The following CCND1 variants were observed in gnomAD, a reference collection of about 807,000 sequenced individuals.
CCND1 encodes the protein G1/S-specific cyclin-D1.
CCND1 carries 9 observed loss-of-function variants against 26.1 expected under a neutral mutation model. The ratio of observed to expected loss-of-function variants is 0.35; its 90% CI spans 0.21 to 0.60. The LOEUF (loss-of-function observed/expected upper bound fraction) is 0.60, where lower values mean the gene tolerates loss of function less well. Among genes scored for constraint, CCND1 ranks in the 20% least tolerant of loss-of-function variants. The pLI is 0.79. For missense variants in CCND1, 335 were observed against 392.9 expected (o/e 0.85, Z 1.25); for synonymous variants, 194 against 166.1 (o/e 1.17, Z -1.29).
chr11:69,644,176 A>G (rs532486022), intron 3 of CCND1, 185 bp downstream of exon 3: 2 of 642,124 alleles, frequency 3.1e-6, no homozygotes, highest in Admixed American at 2.5e-5. Flanking sequence ...CGCTGGATGG[A>G]GGGAGATTTG....
chr11:69,642,562 T>A (rs1022686431), intron 1 of CCND1, among the ~76,000 whole-genome samples: 6 of 152,288 alleles, frequency 3.9e-5, no homozygotes, highest in African/African-American at 7.2e-5. Context: ...GTTATTTTTT[T>A]AATATTTTTA....
Position 69,648,012 on chromosome 11 carries a change from A to T in CCND1, c.593A>T (p.Asn198Ile), listed in dbSNP as rs759570740. ...GCCTCAGATGTGAAGTTCATTTCCA[A>T]TCCGCCCTCCATGGTGGCAGCGGGG... ...LCATDVKFIS[N>I]PPSMVAAGSV... The change falls in exon 4 of 5, where the codon AAT becomes ATT. Residue 198 changes from asparagine (N) to isoleucine (I), a missense_variant. Coordinates refer to ENST00000227507, the MANE Select transcript of CCND1 (RefSeq NM_053056.3). 1 of 1,613,854 alleles carries T rather than the reference A, an allele frequency of 6.2e-7. No individual in the cohort carries two copies. The highest frequency in any genetic ancestry group is 2.2e-5 in the East Asian group (1 of 44,874).
intron 1 of CCND1, among the ~76,000 whole-genome samples, chr11:69,642,819 C>G (rs1855725696): frequency 6.7e-6 from 1 of 148,746 alleles, no homozygotes; most frequent in Non-Finnish European, 1.5e-5. Flanking sequence ...GTGCCAGCCT[C>G]GCGGGGACTT....
intron 3 of CCND1, among the ~76,000 whole-genome samples, chr11:69,646,388 G>A (rs1855780779): frequency 6.6e-6 from 1 of 152,042 alleles, no homozygotes; most frequent in African/African-American, 2.4e-5. Context: ...CCGGCCCCTC[G>A]CCGGCGGCCC....
At chr11:69,644,249 C>A in intron 3 of CCND1, 1 of 525,684 alleles carries the variant, frequency 1.9e-6, no homozygotes, top group East Asian at 3.2e-5. Flanking sequence ...CTGCCTGTGT[C>A]CCGTTACTCT....
intron 1 of CCND1, among the ~76,000 whole-genome samples, chr11:69,642,542 T>A (rs892872260): frequency 2.0e-4 from 31 of 152,280 alleles, no homozygotes; most frequent in African/African-American, 5.5e-4. Flanking sequence ...AGGGTTTTTT[T>A]ATGCACTTAG....
rs956981787 is a variant in CCND1, at chr11:69,654,125, G to A, written c.*2843G>A. 14 of 485,632 alleles carry A rather than the reference G, an allele frequency of 2.9e-5. No homozygotes were observed. The highest frequency in any genetic ancestry group is 9.5e-5 in the East Asian group (2 of 21,020). The allele number at this position is 485,632 out of a possible 1,614,324, so 30.1% of individuals were successfully genotyped here. A position where few individuals can be genotyped will look rare whatever the true frequency, so the allele number is the denominator to read the frequency against. On this transcript the variant is annotated 3_prime_UTR_variant, in exon 5 of 5. Transcript: ENST00000227507. The surrounding 1 kb of genome is among the most constrained non-coding windows in gnomAD (Gnocchi z 6.3). ...GCCATCTCGGGCACAGGCCCACCCC[G>A]CCCCACCCCTCCAGAACACGGCTCA... is the stretch of plus-strand genomic sequence containing the variant.
rs143479406 is a variant in CCND1 at position 69,643,953 on chromosome 11, G to A, written c.536G>A (p.Arg179His). The A allele has an allele frequency of 1.2e-6, 2 of 1,613,448 alleles. No individual in the cohort carries two copies. The highest frequency in any genetic ancestry group is 1.7e-5 in the Admixed American group (1 of 60,024). Residue 179 changes from arginine (R) to histidine (H), a missense_variant, in exon 3 of 5, where the codon CGC (arginine) becomes CAC (histidine). Arg to His is a conservative substitution (Grantham distance 29, BLOSUM62 0). Coordinates refer to ENST00000227507, the MANE Select transcript of CCND1 (RefSeq NM_053056.3). ...PEAEENKQII[R>H]KHAQTFVALC... ...GCGGAGGAGAACAAACAGATCATCC[G>A]CAAACACGCGCAGACCTTCGTTGCC...
At position 69,654,131 on chromosome 11, in the gene CCND1, C is replaced by T. The variant is rs995031239; in HGVS notation, c.*2849C>T. 4.5e-6 allele frequency: 3 copies of T among 672,752 alleles called. No individual in the cohort carries two copies. The highest frequency in any genetic ancestry group is 3.5e-5 in the African/African-American group (2 of 56,792). The allele number at this position is 672,752 out of a possible 1,614,324, so 41.7% of individuals were successfully genotyped here. A position where few individuals can be genotyped will look rare whatever the true frequency, so the allele number is the denominator to read the frequency against. On this transcript the variant is annotated 3_prime_UTR_variant, in exon 5 of 5. Coordinates refer to ENST00000227507, the MANE Select transcript of CCND1 (RefSeq NM_053056.3). The surrounding 1 kb of genome is among the most constrained non-coding windows in gnomAD (Gnocchi z 6.3). ...TCGGGCACAGGCCCACCCCGCCCCA[C>T]CCCTCCAGAACACGGCTCACGCTTA...
rs1222581441 is a variant in CCND1 at position 69,653,302 on chromosome 11, C to G, written c.*2020C>G. On this transcript the variant is annotated 3_prime_UTR_variant, in exon 5 of 5. Coordinates refer to ENST00000227507, the MANE Select transcript of CCND1 (RefSeq NM_053056.3). The stretch of plus-strand genomic sequence containing the variant: ...ATATTCACATCGCTTCTGTGTATCT[C>G]TTTCACATTGTTTGCTGCTATTGGA... 2 of 702,840 alleles carry G rather than the reference C, an allele frequency of 2.8e-6. No homozygotes were observed. The highest frequency in any genetic ancestry group is 5.4e-5 in the East Asian group (2 of 37,264). 43.5% of individuals were successfully genotyped at this position (702,840 alleles called of 1,614,324 possible).
intron 2 of CCND1, 144 bp from the exon 3 acceptor site, chr11:69,643,688 T>TC: frequency 4.3e-6 from 3 of 699,082 alleles, no homozygotes; most frequent in Non-Finnish European, 4.7e-6. Flanking sequence ...AGCCCTCCCC[T>TC]CCAACATCCA....
rs1021419331 is a variant in CCND1 at position 69,653,455 on chromosome 11, T to C, written c.*2173T>C. ...TTTTATGTGATCAATTTTGACTTAA[T>C]GTGATTACTGCTCTATTCCAAAAAG... On this transcript the variant is annotated 3_prime_UTR_variant, in exon 5 of 5. Coordinates refer to ENST00000227507, the MANE Select transcript of CCND1 (RefSeq NM_053056.3). The C allele has an allele frequency of 1.7e-6, 1 of 605,832 alleles. No individual in the cohort carries two copies. The highest frequency in any genetic ancestry group is 2.0e-5 in the South Asian group (1 of 49,382). 37.5% of individuals were successfully genotyped at this position (605,832 alleles called of 1,614,324 possible). A position where few individuals can be genotyped will look rare whatever the true frequency, so the allele number is the denominator to read the frequency against.
rs2120088699 is a variant in CCND1, at chr11:69,643,091, C to G, written c.259C>G (p.Arg87Gly). ...CCCGCTGGCCATGAACTACCTGGAC[C>G]GCTTCCTGTCGCTGGAGCCCGTGAA... Reference protein sequence around the residue: ...VFPLAMNYLDRFLSLEPVKKS... With the variant: ...VFPLAMNYLDGFLSLEPVKKS... Residue 87 changes from arginine (R) to glycine (G), a missense_variant, in exon 2 of 5, where the codon CGC becomes GGC. Coordinates refer to ENST00000227507, the MANE Select transcript of CCND1 (RefSeq NM_053056.3). 1 of 1,611,248 alleles carries G rather than the reference C, an allele frequency of 6.2e-7. No homozygotes were observed. The highest frequency in any genetic ancestry group is 8.5e-7 in the Non-Finnish European group (1 of 1,179,202).
chr11:69,642,301 G>A lies in CCND1; in HGVS notation c.199-730G>A, dbSNP rs78968063. On this transcript the variant is annotated intron_variant, in intron 1 of 4. Coordinates refer to ENST00000227507, the MANE Select transcript of CCND1 (RefSeq NM_053056.3). The stretch of plus-strand genomic sequence containing the variant: ...GGCTTGGAGGACCTTCTCCGAGCGA[G>A]CCGGGGGCCTGGGAGCACATTTTCA... 1.8e-3 allele frequency among the ~76,000 whole-genome samples: 274 copies of A among 152,336 alleles called. 6 individuals are homozygous for A. In the East Asian group the frequency reaches 0.049, roughly 27 times the overall value.
At chr11:69,649,980 G>A (rs561203682) in intron 4 of CCND1, among the ~76,000 whole-genome samples, 1 of 152,342 alleles carries the variant, frequency 6.6e-6, no homozygotes, top group South Asian at 2.1e-4. Context: ...TCTGAGGGGC[G>A]GGAGAGGAAA....
intron 3 of CCND1, among the ~76,000 whole-genome samples, chr11:69,646,496 G>A (rs1855782813): frequency 6.6e-6 from 1 of 152,120 alleles, no homozygotes; most frequent in Non-Finnish European, 1.5e-5. Flanking sequence ...CTCCCTTTGT[G>A]CCTGGGTCGG....
chr11:69,652,253 G>C lies in CCND1; in HGVS notation c.*971G>C, dbSNP rs1481984872. 3.4e-5 allele frequency: 8 copies of C among 233,586 alleles called. No homozygotes were observed. Among genetic ancestry groups the C allele is most frequent in the Non-Finnish European group, 6.8e-5 (8 of 118,074 alleles). The allele number at this position is 233,586 out of a possible 1,614,324, so 14.5% of individuals were successfully genotyped here. On this transcript the variant is annotated 3_prime_UTR_variant, in exon 5 of 5. Coordinates refer to ENST00000227507, the MANE Select transcript of CCND1 (RefSeq NM_053056.3). Reference sequence around the variant, plus strand: ...GTCCAGGTTCAACCCACAGCTACTTGGTTTGTGTTCTTCTTCATATTCTAA... The same window carrying C: ...GTCCAGGTTCAACCCACAGCTACTTCGTTTGTGTTCTTCTTCATATTCTAA...
intron 3 of CCND1, among the ~76,000 whole-genome samples, chr11:69,645,117 C>T (rs1590914121): frequency 6.6e-6 from 1 of 152,258 alleles, no homozygotes; most frequent in East Asian, 1.9e-4. Context: ...CGTTTCCAAG[C>T]GAGTCCCCAA....
chr11:69,654,272 C>A lies in CCND1; in HGVS notation c.*2990C>A. On this transcript the variant is annotated 3_prime_UTR_variant, in exon 5 of 5. Transcript: ENST00000227507. The surrounding 1 kb of genome is among the most constrained non-coding windows in gnomAD (Gnocchi z 6.3). The stretch of plus-strand genomic sequence containing the variant: ...CTGGATGTTGTGTGTATCGAGAGGC[C>A]AAAGGCTGGTGGCAAGTGCACGGGG... The A allele has an allele frequency of 1.4e-6, 1 of 702,566 alleles. No homozygotes were observed. Among genetic ancestry groups the A allele is most frequent in the Non-Finnish European group, 2.6e-6 (1 of 385,002 alleles). 43.5% of individuals were successfully genotyped at this position (702,566 alleles called of 1,614,324 possible).
Sources: gnomAD v4.1 joint callset for allele counts (sites outside exome capture counted in the v4.1 genomes callset) on GRCh38, gnomAD v4.1.1 for gene constraint, Gnocchi (gnomAD v3.1) non-coding constraint, MANE v1.5 for transcripts, NCBI Gene and HGNC (gene_info 2026-07-23, HGNC 2026-07-21) for gene names.